The following CDH22 variants were observed in gnomAD, a reference collection of about 807,000 sequenced individuals.
The protein encoded by CDH22 is cadherin 22.
Under a neutral mutation model 58.4 loss-of-function variants are expected in CDH22, and 30 were observed. The ratio of observed to expected loss-of-function variants is 0.51; its 90% confidence interval spans 0.38 to 0.70. The LOEUF (loss-of-function observed/expected upper bound fraction) is 0.70. CDH22 is among the 30% of genes least tolerant of loss of function. The pLI is 0.00. For synonymous variants in CDH22, 513 were observed against 558.2 expected (o/e 0.92, Z 1.14); for missense variants, 1,014 against 1,233.9 (o/e 0.82, Z 2.67).
intron 4 of CDH22, among the ~76,000 whole-genome samples, chr20:46,219,147 C>T (rs117967218): frequency 0.011 from 1,742 of 152,242 alleles, 13 homozygotes; most frequent in Non-Finnish European, 0.017. Flanking sequence ...GTCCTGCTTT[C>T]GTGGGATCAC....
chr20:46,273,635 G>A lies in CDH22; in HGVS notation c.-399-21942C>T, dbSNP rs537240759. On this transcript the variant is annotated intron_variant, in intron 1 of 11. Transcript: ENST00000537909. ...GTGCTCAGAGCTCGGTGAGCTGTCC[G>A]GAGAGGCAGGGCTGTGAGCTCAGAG... Among the ~76,000 whole-genome samples, 10 of 152,316 alleles carry A rather than the reference G, an allele frequency of 6.6e-5. No individual in the cohort carries two copies. The South Asian group carries it at 1.0e-3, about 16-fold the overall frequency.
Position 46,199,492 on chromosome 20 carries a change from C to A in CDH22, c.1354G>T (p.Val452Leu). 1 of 1,613,972 alleles carries A rather than the reference C, an allele frequency of 6.2e-7. No homozygotes were observed. Among genetic ancestry groups the A allele is most frequent in the Non-Finnish European group, 8.5e-7 (1 of 1,179,998 alleles). ...TCGCGGTCCAGCCCCTTGCCAGTCA[C>A]GATGGCGCCTGTGTCCGCATCGATA... ...FDIDADTGAI[V>L]TGKGLDRETA... Residue 452 changes from valine (V) to leucine (L), a missense_variant, in exon 8 of 12, where the codon GTG becomes TTG. This residue lies in a region of CDH22 where 806 missense variants were observed against 1,038.7 expected (regional missense o/e 0.78). Coordinates refer to ENST00000537909, the MANE Select transcript of CDH22 (RefSeq NM_021248.3).
At chr20:46,301,042 G>A (rs891340003) in intron 1 of CDH22, among the ~76,000 whole-genome samples, 1 of 152,074 alleles carries the variant, frequency 6.6e-6, no homozygotes, top group Non-Finnish European at 1.5e-5. Context: ...AGCAGGTTAC[G>A]GAGGCATATG....
intron 4 of CDH22, among the ~76,000 whole-genome samples, chr20:46,223,806 C>A (rs1226233917): frequency 3.5e-5 from 1 of 28,556 alleles, no homozygotes; most frequent in Non-Finnish European, 8.0e-5. Flanking sequence ...TTTCTTCTTC[C>A]TTTCTTCCTT....
In CDH22 at chr20:46,251,328, T is replaced by C. The variant is rs754086236; in HGVS notation, c.-34A>G. The C allele has an allele frequency of 2.8e-6, 4 of 1,421,732 alleles. No individual in the cohort carries two copies. Among genetic ancestry groups the C allele is most frequent in the Admixed American group, 3.5e-5 (1 of 28,718 alleles). 88.1% of individuals were successfully genotyped at this position (1,421,732 alleles called of 1,614,324 possible). A position where few individuals can be genotyped will look rare whatever the true frequency, so the allele number is the denominator to read the frequency against. On this transcript the variant is annotated 5_prime_UTR_variant, in exon 2 of 12. The change abolishes an upstream ATG in the 5' untranslated region. Coordinates refer to ENST00000537909, the MANE Select transcript of CDH22 (RefSeq NM_021248.3). The surrounding 1 kb of genome is among the most constrained non-coding windows in gnomAD (Gnocchi z 6.7). ...TGCGCGGGGCTGGGGCCCAGGAGCATGGACGAGAGGCACCAGGGCGCCGCT... is the reference window on the plus strand; with the variant it reads ...TGCGCGGGGCTGGGGCCCAGGAGCACGGACGAGAGGCACCAGGGCGCCGCT...
chr20:46,279,532 T>A (rs187237236), intron 1 of CDH22, among the ~76,000 whole-genome samples: 2 of 152,256 alleles, frequency 1.3e-5, no homozygotes, highest in East Asian at 3.9e-4. Context: ...AATTGCAGAG[T>A]GATACATCAG....
chr20:46,213,838 A>G (rs2086062194), intron 5 of CDH22, among the ~76,000 whole-genome samples: 1 of 152,208 alleles, frequency 6.6e-6, no homozygotes, highest in African/African-American at 2.4e-5. Flanking sequence ...AACAAATAAA[A>G]TGGACCAAAA....
intron 1 of CDH22, among the ~76,000 whole-genome samples, chr20:46,289,366 G>C (rs947124758): frequency 2.0e-5 from 3 of 152,104 alleles, no homozygotes; most frequent in African/African-American, 7.2e-5. Flanking sequence ...ATTATAAATG[G>C]ATGCCTCCTT....
intron 1 of CDH22, among the ~76,000 whole-genome samples, chr20:46,259,496 A>G (rs1203092147): frequency 6.6e-6 from 1 of 152,262 alleles, no homozygotes; most frequent in Non-Finnish European, 1.5e-5. Flanking sequence ...TTAAATGCAC[A>G]TGCTCGCAGA....
chr20:46,230,096 C>A lies in CDH22; in HGVS notation c.551-2469G>T, dbSNP rs149931731. Among the ~76,000 whole-genome samples the A allele has an allele frequency of 7.9e-5, 12 of 152,258 alleles. No individual in the cohort carries two copies. The East Asian group carries it at 2.1e-3, about 27-fold the overall frequency. On this transcript the variant is annotated intron_variant, in intron 3 of 11. Coordinates refer to ENST00000537909, the MANE Select transcript of CDH22 (RefSeq NM_021248.3). ...GAATGGCTTCCTTGGGCCACACACC[C>A]CCTCCCACCTTCTTCAGAAGTCAGC...
intron 10 of CDH22, among the ~76,000 whole-genome samples, chr20:46,182,662 C>T (rs1038529482): frequency 6.6e-6 from 1 of 152,240 alleles, no homozygotes; most frequent in African/African-American, 2.4e-5. Flanking sequence ...AAGCCTCTGG[C>T]CACCCCGGTC....
At chr20:46,234,120 T>C (rs565399012) in intron 3 of CDH22, among the ~76,000 whole-genome samples, 176 of 152,338 alleles carry the variant, frequency 1.2e-3, no homozygotes, top group African/African-American at 4.1e-3. Flanking sequence ...GCTCTCCCAG[T>C]TTTACTTTCC....
rs1377231076 is a variant in CDH22, at chr20:46,174,523, C to T, written c.2470G>A (p.Glu824Lys). Residue 824 changes from glutamate (E) to lysine (K), a missense_variant, in exon 12 of 12, where the codon GAG becomes AAG. By Grantham distance (56) the Glu-to-Lys change is moderately conservative (BLOSUM62 1). Around this residue, in one of 2 missense-constraint regions of CDH22, gnomAD observed 208 missense variants for 195.2 expected, o/e 1.07. Transcript: ENST00000537909. The surrounding 1 kb of genome is among the most constrained non-coding windows in gnomAD (Gnocchi z 4.4). ...ALYAGHRGDD[E>K]AQAS The stretch of plus-strand genomic sequence containing the variant: ...GCGAGGGGCTAGGAGGCCTGGGCCT[C>T]GTCGTCCCCGCGGTGGCCGGCGTAG... The T allele has an allele frequency of 2.6e-6, 4 of 1,514,756 alleles. No individual in the cohort carries two copies. Among genetic ancestry groups the T allele is most frequent in the Non-Finnish European group, 3.5e-6 (4 of 1,137,988 alleles). 93.8% of individuals were successfully genotyped at this position (1,514,756 alleles called of 1,614,324 possible).
chr20:46,303,985 G>A (rs1363459471), intron 1 of CDH22, among the ~76,000 whole-genome samples: 1 of 152,150 alleles, frequency 6.6e-6, no homozygotes, highest in Non-Finnish European at 1.5e-5. Flanking sequence ...TGAGGTCTGA[G>A]CTGGAGAAGG....
chr20:46,187,493 C>T (rs1233084310), intron 8 of CDH22, among the ~76,000 whole-genome samples: 1 of 151,736 alleles, frequency 6.6e-6, no homozygotes, highest in Non-Finnish European at 1.5e-5. Flanking sequence ...AGCACCACCA[C>T]CACCAGAACC....
At chr20:46,295,955 G>A (rs2086627066) in intron 1 of CDH22, among the ~76,000 whole-genome samples, 1 of 152,286 alleles carries the variant, frequency 6.6e-6, no homozygotes, top group East Asian at 1.9e-4. Context: ...AGAGATGGGG[G>A]TCTTGCTATG....
chr20:46,255,464 C>G (rs1379851707), intron 1 of CDH22, among the ~76,000 whole-genome samples: 1 of 152,230 alleles, frequency 6.6e-6, no homozygotes, highest in Non-Finnish European at 1.5e-5. Flanking sequence ...TAGGTGAATG[C>G]AACCCAGTGT....
chr20:46,276,920 A>G (rs2086521281), intron 1 of CDH22, among the ~76,000 whole-genome samples: 1 of 152,270 alleles, frequency 6.6e-6, no homozygotes, highest in African/African-American at 2.4e-5. Context: ...GCTGGCAAGA[A>G]GTGAATCAGG....
intron 2 of CDH22, among the ~76,000 whole-genome samples, chr20:46,245,089 A>C (rs1311079784): frequency 1.3e-5 from 2 of 152,166 alleles, no homozygotes; most frequent in Non-Finnish European, 2.9e-5. Context: ...CCTTGCGCTT[A>C]GTAGGTGCTC....
Sources: allele counts gnomAD v4.1 joint callset (sites outside exome capture counted in the v4.1 genomes callset), GRCh38; gene constraint gnomAD v4.1.1; regional missense constraint gnomAD v4.1.1; non-coding constraint Gnocchi (gnomAD v3.1); transcripts MANE v1.5; gene names NCBI Gene and HGNC (gene_info 2026-07-23, HGNC 2026-07-21).